Variants in PSMA5 observed in about 807,000 individuals in gnomAD.
PSMA5 encodes proteasome 20S subunit alpha 5, also known as proteasome subunit alpha type-5.
PSMA5 carries 3 observed loss-of-function variants against 34.5 expected under a neutral mutation model. That is an observed-to-expected ratio of 0.09 (90% CI 0.04 to 0.22). The LOEUF (loss-of-function observed/expected upper bound fraction) is 0.22, where lower values mean the gene tolerates loss of function less well. PSMA5 is among the 10% of genes least tolerant of loss of function. The pLI, the probability that PSMA5 is intolerant of heterozygous loss-of-function variation, is 1.00. For missense variants in PSMA5, 120 were observed against 286.1 expected, an observed-to-expected ratio of 0.42 and a Z score of 4.19; for synonymous variants, 88 against 95.8, an observed-to-expected ratio of 0.92 and a Z score of 0.47.
intron 8 of PSMA5, among the ~76,000 whole-genome samples, chr1:109,407,520 C>T (rs1271346925): frequency 6.6e-6 from 1 of 152,124 alleles, no homozygotes; most frequent in East Asian, 1.9e-4. Context: ...CTAGTCAATC[C>T]CCTACCATGG....
In PSMA5 at chr1:109,424,343, A is replaced by G. The variant is rs1054520248; in HGVS notation, c.29+1959T>C. The stretch of plus-strand genomic sequence containing the variant: ...AGGTCAGCGCCACCACACCCGGCTG[A>G]TATTTTTTAATGTTTAGTAGAGATG... On this transcript the variant is annotated intron_variant, in intron 1 of 8. Coordinates refer to ENST00000271308, the MANE Select transcript of PSMA5 (RefSeq NM_002790.4). Among the ~76,000 whole-genome samples the G allele has an allele frequency of 3.3e-5, 5 of 151,834 alleles. No individual in the cohort carries two copies. The South Asian group carries it at 6.2e-4, about 19-fold the overall frequency.
chr1:109,425,788 A>C (rs3820667), intron 1 of PSMA5: 66,712 of 153,836 alleles, frequency 0.43, 16,582 homozygotes, highest in East Asian at 0.62. Flanking sequence ...AAACCATTCT[A>C]AATTCCAGTT....
In PSMA5 at chr1:109,426,423, C is replaced by T; in HGVS notation, c.-93G>A. The T allele has an allele frequency of 1.3e-6, 2 of 1,517,630 alleles. No individual in the cohort carries two copies. Among genetic ancestry groups the T allele is most frequent in the Non-Finnish European group, 1.8e-6 (2 of 1,092,560 alleles). 94.0% of individuals were successfully genotyped at this position (1,517,630 alleles called of 1,614,324 possible). On this transcript the variant is annotated 5_prime_UTR_variant, in exon 1 of 9. It adds an upstream start codon to the 5' untranslated region. Transcript: ENST00000271308. ...AACTCACCGGCAGCCAACTCACCCA[C>T]ACGGCCGCAGTACTAAGGACCAACT...
At chr1:109,412,919 A>C in intron 4 of PSMA5, 149 bp downstream of exon 4, 1 of 630,108 alleles carries the variant, frequency 1.6e-6, no homozygotes, top group Non-Finnish European at 2.8e-6. Context: ...AAGCCCCAGG[A>C]AGTTCTAACT....
Position 109,411,116 on chromosome 1 carries a change from G to C in PSMA5, c.459-3C>G. On this transcript the variant is annotated splice_region_variant and splice_polypyrimidine_tract_variant and intron_variant, in intron 6 of 8. Transcript: ENST00000271308. ...TCCCAGATGGGTCCATATGAAACCTGCAAAACCCCCAAAATGAGGACTAAA... is the reference window on the plus strand; with the variant it reads ...TCCCAGATGGGTCCATATGAAACCTCCAAAACCCCCAAAATGAGGACTAAA... 6.2e-7 allele frequency: 1 copy of C among 1,607,394 alleles called. No homozygotes were observed. Among genetic ancestry groups the C allele is most frequent in the Non-Finnish European group, 8.5e-7 (1 of 1,175,538 alleles).
At chr1:109,403,543 T>C (rs923716847) in intron 8 of PSMA5, among the ~76,000 whole-genome samples, 5 of 151,788 alleles carry the variant, frequency 3.3e-5, no homozygotes, top group East Asian at 1.9e-4. Context: ...GGTGGGAGAA[T>C]TGCTTAACCC....
In PSMA5 at chr1:109,400,069, T is replaced by G. The variant is rs1004822970; in HGVS notation, c.*1944A>C. The G allele has an allele frequency of 6.6e-6, 1 of 152,220 alleles. No homozygotes were observed. The highest frequency in any genetic ancestry group is 2.4e-5 in the African/African-American group (1 of 41,450). The allele number at this position is 152,220 out of a possible 1,614,324, so 9.4% of individuals were successfully genotyped here. ...TCTACAAAAAAATCAAAGTTCTACC[T>G]CTTTGAAGAATGCCAATTATAGAAG... On this transcript the variant is annotated 3_prime_UTR_variant, in exon 9 of 9. Coordinates refer to ENST00000271308, the MANE Select transcript of PSMA5 (RefSeq NM_002790.4).
chr1:109,408,218 G>A (rs185699320), intron 8 of PSMA5, among the ~76,000 whole-genome samples: 4 of 151,924 alleles, frequency 2.6e-5, no homozygotes, highest in Non-Finnish European at 5.9e-5. Context: ...ATCCCTTACC[G>A]TCCCCCACCA....
At chr1:109,407,695 G>A (rs963904495) in intron 8 of PSMA5, among the ~76,000 whole-genome samples, 3 of 152,204 alleles carry the variant, frequency 2.0e-5, no homozygotes, top group South Asian at 4.1e-4. Context: ...ATGGAGTGCA[G>A]CTGGAGTGCA....
chr1:109,412,917 G>C (rs1654055796), intron 4 of PSMA5, 151 bp downstream of exon 4: 1 of 627,128 alleles, frequency 1.6e-6, no homozygotes, highest in Non-Finnish European at 2.8e-6. Context: ...CCAAGCCCCA[G>C]GAAGTTCTAA....
At chr1:109,425,500 G>A (rs551389808) in intron 1 of PSMA5, 170 of 152,234 alleles carry the variant, frequency 1.1e-3, no homozygotes, top group African/African-American at 3.9e-3. Flanking sequence ...GTAAAACTTC[G>A]ACAGGATCAG....
chr1:109,414,555 A>C (rs956881057), intron 3 of PSMA5, among the ~76,000 whole-genome samples: 4 of 152,224 alleles, frequency 2.6e-5, no homozygotes, highest in African/African-American at 9.6e-5. Flanking sequence ...ACACAGTGAC[A>C]CTGAGCTACC....
chr1:109,415,380 T>C lies in PSMA5; in HGVS notation c.97-17A>G. 6.2e-7 allele frequency: 1 copy of C among 1,609,708 alleles called. No homozygotes were observed. On this transcript the variant is annotated splice_polypyrimidine_tract_variant and intron_variant, in intron 2 of 8. Coordinates refer to ENST00000271308, the MANE Select transcript of PSMA5 (RefSeq NM_002790.4). ...AGAACCAAGCTAAAGAGAAACATGT[T>C]ATGATTACCATATATAGGTCAAATA...
At chr1:109,413,538 T>C (rs992736596) in intron 3 of PSMA5, among the ~76,000 whole-genome samples, 3 of 152,158 alleles carry the variant, frequency 2.0e-5, no homozygotes, top group Non-Finnish European at 4.4e-5. Context: ...AGTGGAGGAC[T>C]CTCGAATAAA....
rs1256015688 is a variant in PSMA5 at position 109,399,096 on chromosome 1, A to T, written c.*2917T>A. The T allele has an allele frequency of 6.6e-6, 1 of 152,274 alleles. No homozygotes were observed. The highest frequency in any genetic ancestry group is 1.5e-5 in the Non-Finnish European group (1 of 68,048). The allele number at this position is 152,274 out of a possible 1,614,324, so 9.4% of individuals were successfully genotyped here. On this transcript the variant is annotated 3_prime_UTR_variant, in exon 9 of 9. Transcript: ENST00000271308. Reference sequence around the variant, plus strand: ...TGGCCATAAACCCAAATGAGGATATAGTCATTGTAGAGCAAAATGATACAA... The same window carrying T: ...TGGCCATAAACCCAAATGAGGATATTGTCATTGTAGAGCAAAATGATACAA...
chr1:109,425,997 TG>T, intron 1 of PSMA5: 1 of 542,850 alleles, frequency 1.8e-6, no homozygotes, highest in South Asian at 2.3e-5. Flanking sequence ...GAGTGACCCT[TG>T]GCCTTCTCCG....
chr1:109,419,101 C>T (rs933036445), intron 2 of PSMA5, among the ~76,000 whole-genome samples: 7 of 151,742 alleles, frequency 4.6e-5, no homozygotes, highest in African/African-American at 1.5e-4. Context: ...TGCAGTGAGC[C>T]GAGATCACGC....
At chr1:109,409,434 G>A (rs569547476) in intron 8 of PSMA5, among the ~76,000 whole-genome samples, 1 of 152,372 alleles carries the variant, frequency 6.6e-6, no homozygotes, top group South Asian at 2.1e-4. Flanking sequence ...TGGGATTACA[G>A]GCGTGAGCCA....
chr1:109,405,126 T>C (rs1381949460), intron 8 of PSMA5, among the ~76,000 whole-genome samples: 1 of 151,702 alleles, frequency 6.6e-6, no homozygotes, highest in Admixed American at 6.6e-5. Flanking sequence ...GGAGAGGGAG[T>C]AGGGGGTCAG....
Sources: allele counts gnomAD v4.1 joint callset (sites outside exome capture counted in the v4.1 genomes callset), GRCh38; gene constraint gnomAD v4.1.1; transcripts MANE v1.5; gene names NCBI Gene and HGNC (gene_info 2026-07-23, HGNC 2026-07-21).